Variants in PTPRR observed in about 807,000 individuals in gnomAD.
The protein encoded by PTPRR is protein tyrosine phosphatase receptor type R.
PTPRR carries 38 observed loss-of-function variants against 77.2 expected under a neutral mutation model. The ratio of observed to expected loss-of-function variants is 0.49; its 90% CI spans 0.38 to 0.65. PTPRR has a LOEUF of 0.65. Among genes scored for constraint, PTPRR ranks in the 30% least tolerant of loss-of-function variants. The pLI, the probability that PTPRR is intolerant of heterozygous loss-of-function variation, is 0.00. For missense variants in PTPRR, 744 were observed against 799.2 expected (o/e 0.93, Z 0.83); for synonymous variants, 299 against 283.1 (o/e 1.06, Z -0.57).
intron 1 of PTPRR, among the ~76,000 whole-genome samples, chr12:70,908,699 A>G (rs1260928882): frequency 6.6e-6 from 1 of 152,102 alleles, no homozygotes; most frequent in African/African-American, 2.4e-5. Flanking sequence ...GTAGCTGGCC[A>G]CTTGAAGAGA....
chr12:70,815,627 T>C (rs974380996), intron 2 of PTPRR, among the ~76,000 whole-genome samples: 2 of 152,194 alleles, frequency 1.3e-5, no homozygotes, highest in Non-Finnish European at 2.9e-5. Context: ...TTTAGCATCA[T>C]GAAAATGGAG....
chr12:70,660,824 A>T, intron 12 of PTPRR, 116 bp downstream of exon 12: 1 of 1,048,504 alleles, frequency 9.5e-7, no homozygotes, highest in South Asian at 2.0e-5. Flanking sequence ...CAATTTCAAT[A>T]AATATTTAAT....
chr12:70,733,161 A>G (rs1000008629), intron 6 of PTPRR, among the ~76,000 whole-genome samples: 1 of 152,150 alleles, frequency 6.6e-6, no homozygotes, highest in Non-Finnish European at 1.5e-5. Context: ...TGTATACACT[A>G]TAAGACATTA....
intron 3 of PTPRR, among the ~76,000 whole-genome samples, chr12:70,764,117 G>A (rs1429004005): frequency 6.6e-6 from 1 of 151,424 alleles, no homozygotes; most frequent in African/African-American, 2.4e-5. Flanking sequence ...AGTCCTCAGG[G>A]TCAGTTCTTT....
chr12:70,913,980 A>G (rs17109024), intron 1 of PTPRR, among the ~76,000 whole-genome samples: 6,499 of 152,256 alleles, frequency 0.043, 282 homozygotes, highest in African/African-American at 0.11. Context: ...TTCAGTATAC[A>G]GGTTAAGTAC....
chr12:70,673,958 G>A (rs573730390), intron 10 of PTPRR, among the ~76,000 whole-genome samples: 2 of 151,944 alleles, frequency 1.3e-5, no homozygotes, highest in South Asian at 2.1e-4. Context: ...TTAAGGCAGG[G>A]TCTCATTTTG....
At chr12:70,893,338 A>AT (rs1199570177) in intron 1 of PTPRR, among the ~76,000 whole-genome samples, 1 of 151,904 alleles carries the variant, frequency 6.6e-6, no homozygotes, top group Non-Finnish European at 1.5e-5. Flanking sequence ...AATTATAAAT[A>AT]TTTTTATCAT....
chr12:70,718,549 C>G (rs1415530266), intron 6 of PTPRR, among the ~76,000 whole-genome samples: 1 of 152,110 alleles, frequency 6.6e-6, no homozygotes, highest in South Asian at 2.1e-4. Flanking sequence ...CAGGTGTGAG[C>G]CACTATGCCT....
chr12:70,892,662 T>C lies in PTPRR; in HGVS notation c.357+17A>G. 6.2e-7 allele frequency: 1 copy of C among 1,610,710 alleles called. No individual in the cohort carries two copies. The highest frequency in any genetic ancestry group is 8.5e-7 in the Non-Finnish European group (1 of 1,177,372). On this transcript the variant is annotated intron_variant, in intron 2 of 13. Coordinates refer to ENST00000283228, the MANE Select transcript of PTPRR (RefSeq NM_002849.4). ...GAATCAACATCAGCCTCAGCATCAG[T>C]TTAACATACTACTTACCACCACAAT...
In PTPRR at chr12:70,893,368, A is replaced by G. The variant is rs1220945106; in HGVS notation, c.59-391T>C. On this transcript the variant is annotated intron_variant, in intron 1 of 13. Coordinates refer to ENST00000283228, the MANE Select transcript of PTPRR (RefSeq NM_002849.4). ...TATCATATTTAAGCTTTCCTTAAAT[A>G]TAAGCATTTCCTACAATTCTTATTT... 2.0e-5 allele frequency among the ~76,000 whole-genome samples: 3 copies of G among 151,956 alleles called. No individual in the cohort carries two copies. In the South Asian group the frequency reaches 6.2e-4, roughly 31 times the overall value.
chr12:70,859,373 T>C (rs1348634613), intron 2 of PTPRR, among the ~76,000 whole-genome samples: 7 of 152,060 alleles, frequency 4.6e-5, no homozygotes, highest in Non-Finnish European at 1.0e-4. Context: ...GTGATTCTAA[T>C]ATGTATCCAG....
intron 5 of PTPRR, among the ~76,000 whole-genome samples, chr12:70,746,597 A>G (rs1437879516): frequency 6.6e-6 from 1 of 152,162 alleles, no homozygotes. Context: ...GTATCTGGTA[A>G]ATACTTGACA....
chr12:70,781,075 T>G (rs1891193346), intron 2 of PTPRR, among the ~76,000 whole-genome samples: 1 of 152,178 alleles, frequency 6.6e-6, no homozygotes, highest in Non-Finnish European at 1.5e-5. Context: ...AAGTCACAAA[T>G]GCAGCAGCTC....
intron 1 of PTPRR, among the ~76,000 whole-genome samples, chr12:70,894,001 G>A (rs1051133123): frequency 6.6e-6 from 1 of 151,750 alleles, no homozygotes; most frequent in Non-Finnish European, 1.5e-5. Flanking sequence ...GCCACAGGAG[G>A]AAACAGATAA....
chr12:70,663,740 T>C (rs1886878907), intron 10 of PTPRR, among the ~76,000 whole-genome samples: 1 of 152,174 alleles, frequency 6.6e-6, no homozygotes, highest in South Asian at 2.1e-4. Flanking sequence ...TTGGAAGCAA[T>C]GTTAATTTTA....
chr12:70,721,859 T>C (rs1381283277), intron 6 of PTPRR, among the ~76,000 whole-genome samples: 1 of 152,162 alleles, frequency 6.6e-6, no homozygotes, highest in Non-Finnish European at 1.5e-5. Flanking sequence ...TTATTGGAAC[T>C]GGCAGGTCAG....
At chr12:70,740,967 A>G (rs1288109205) in intron 6 of PTPRR, among the ~76,000 whole-genome samples, 4 of 152,192 alleles carry the variant, frequency 2.6e-5, no homozygotes, top group Non-Finnish European at 5.9e-5. Context: ...GGAACACTGT[A>G]CATTCTTCAA....
rs1220165309 is a variant in PTPRR, at chr12:70,701,468, G to T, written c.1008-145C>A. ...ATTTTCTCTTTTAGTATCATGGTTG[G>T]CCATAGCAACTACCCATAGTTCCTT... On this transcript the variant is annotated intron_variant, in intron 6 of 13. Coordinates refer to ENST00000283228, the MANE Select transcript of PTPRR (RefSeq NM_002849.4). 9 of 688,216 alleles carry T rather than the reference G, an allele frequency of 1.3e-5. No homozygotes were observed. In the African/African-American group the frequency reaches 1.4e-4, roughly 11 times the overall value. 42.6% of individuals were successfully genotyped at this position (688,216 alleles called of 1,614,324 possible). A position where few individuals can be genotyped will look rare whatever the true frequency, so the allele number is the denominator to read the frequency against.
chr12:70,646,569 G>A (rs1886207031), intron 13 of PTPRR, among the ~76,000 whole-genome samples: 1 of 152,102 alleles, frequency 6.6e-6, no homozygotes, highest in African/African-American at 2.4e-5. Context: ...CCACTTGGAA[G>A]ATTCAGTCAG....
Sources: gnomAD v4.1 joint callset for allele counts (sites outside exome capture counted in the v4.1 genomes callset) on GRCh38, gnomAD v4.1.1 for gene constraint, MANE v1.5 for transcripts, NCBI Gene and HGNC (gene_info 2026-07-23, HGNC 2026-07-21) for gene names.